The following SNAPC4 variants were observed in gnomAD, a reference collection of about 807,000 sequenced individuals.
SNAPC4 encodes the protein small nuclear RNA activating complex polypeptide 4.
Under a neutral mutation model 151.3 loss-of-function variants are expected in SNAPC4, and 127 were observed. The ratio of observed to expected loss-of-function variants is 0.84; its 90% CI spans 0.73 to 0.97. SNAPC4 has a LOEUF of 0.97. SNAPC4 is among the 50% of genes least tolerant of loss of function. SNAPC4 has a pLI of 0.00. For missense variants in SNAPC4, 2,186 were observed against 1,935.0 expected (o/e 1.13, Z -2.43); for synonymous variants, 1,002 against 824.4 (o/e 1.22, Z -3.69).
chr9:136,379,389 A>G, intron 21 of SNAPC4, 90 bp from the exon 22 acceptor site: 1 of 1,562,752 alleles, frequency 6.4e-7, no homozygotes. Flanking sequence ...AGGAGGGACC[A>G]TGTGGGGAGC....
At position 136,387,527 on chromosome 9, in the gene SNAPC4, C is replaced by T. The variant is rs369490901; in HGVS notation, c.1283G>A (p.Arg428Gln). Residue 428 changes from arginine to glutamine, a missense_variant, in exon 13 of 24, where the codon CGG becomes CAG. Transcript: ENST00000684778. ...ATCGCTCCTACCTGGCACCTCTTCC[C>T]GGATTTTAAACCAATCCTGCTCCCC... is the stretch of plus-strand genomic sequence containing the variant. ...KYGEQDWFKI[R>Q]EEVPGRSDAQ... is the part of the protein sequence containing the mutation. 89 of 1,613,862 alleles carry T rather than the reference C, an allele frequency of 5.5e-5. No individual in the cohort carries two copies. Among genetic ancestry groups the T allele is most frequent in the Non-Finnish European group, 7.1e-5 (84 of 1,179,950 alleles).
intron 1 of SNAPC4, 26 bp from the exon 2 acceptor site, chr9:136,398,463 G>A (rs1834349463): frequency 2.5e-6 from 4 of 1,603,782 alleles, no homozygotes; most frequent in African/African-American, 2.7e-5. Context: ...ACCCCGAGAT[G>A]TTAGAAACCA....
Position 136,378,150 on chromosome 9 carries a change from G to C in SNAPC4, c.3677C>G (p.Ser1226Ter). Reference protein sequence around the residue: ...TEPRGTPGSPSGTQEPRGPLG... With the variant: ...TEPRGTPGSP ...AGGCCCCCTGGGCTCCTGTGTCCCTGAGGGGGACCCCGGCGTCCCCCTTGG... is the reference window on the plus strand; with the variant it reads ...AGGCCCCCTGGGCTCCTGTGTCCCTCAGGGGGACCCCGGCGTCCCCCTTGG... Residue 1226 changes from serine (S) to a stop codon, truncating the protein, a stop_gained, in exon 22 of 24, where the codon TCA becomes TGA. Transcript: ENST00000684778. LOFTEE classifies it high-confidence loss of function. 2 of 1,610,206 alleles carry C rather than the reference G, an allele frequency of 1.2e-6. No homozygotes were observed. Among genetic ancestry groups the C allele is most frequent in the Non-Finnish European group, 1.7e-6 (2 of 1,179,140 alleles).
At position 136,378,150 on chromosome 9, in the gene SNAPC4, G is replaced by A; in HGVS notation, c.3677C>T (p.Ser1226Leu). ...AGGCCCCCTGGGCTCCTGTGTCCCT[G>A]AGGGGGACCCCGGCGTCCCCCTTGG... ...TEPRGTPGSP[S>L]GTQEPRGPLG... Residue 1226 changes from serine to leucine, a missense_variant, in exon 22 of 24, where the codon TCA (serine) becomes TTA (leucine). Physicochemically the swap from Ser to Leu is moderately radical, Grantham distance 145. Transcript: ENST00000684778. 1.2e-6 allele frequency: 2 copies of A among 1,610,206 alleles called. No individual in the cohort carries two copies. Among genetic ancestry groups the A allele is most frequent in the Non-Finnish European group, 1.7e-6 (2 of 1,179,140 alleles).
intron 1 of SNAPC4, 46 bp from the exon 2 acceptor site, chr9:136,398,483 C>T (rs548582897): frequency 2.6e-5 from 41 of 1,592,100 alleles, no homozygotes; most frequent in East Asian, 6.8e-5. Flanking sequence ...AAGACCGTGC[C>T]GGGATCCCAT....
chr9:136,391,208 T>G (rs1834062504), intron 10 of SNAPC4, among the ~76,000 whole-genome samples: 1 of 152,134 alleles, frequency 6.6e-6, no homozygotes, highest in Admixed American at 6.5e-5. Context: ...AGAACATACC[T>G]TTTTCTTAAA....
chr9:136,391,638 G>A (rs780636333), intron 10 of SNAPC4, among the ~76,000 whole-genome samples: 6 of 152,210 alleles, frequency 3.9e-5, no homozygotes, highest in Non-Finnish European at 7.3e-5. Context: ...ATAAACTCCC[G>A]AGGCTGATGG....
chr9:136,387,379 G>A lies in SNAPC4; in HGVS notation c.1325+106C>T, dbSNP rs185452586. On this transcript the variant is annotated intron_variant, in intron 13 of 23. Coordinates refer to ENST00000684778, the MANE Select transcript of SNAPC4 (RefSeq NM_003086.4). Reference sequence around the variant, plus strand: ...AGCGACCCACACGGGCCCCTCCCTCGCCCAGCGCTGGCCGCTGTCCCCCAG... The same window carrying A: ...AGCGACCCACACGGGCCCCTCCCTCACCCAGCGCTGGCCGCTGTCCCCCAG... The A allele has an allele frequency of 7.1e-3, 5,841 of 826,702 alleles. 39 individuals are homozygous for A. Among genetic ancestry groups the A allele is most frequent in the Middle Eastern group, 9.4e-3 (28 of 2,994 alleles). The allele number at this position is 826,702 out of a possible 1,614,324, so 51.2% of individuals were successfully genotyped here. A position where few individuals can be genotyped will look rare whatever the true frequency, so the allele number is the denominator to read the frequency against.
At chr9:136,380,328 G>A (rs1238548599) in intron 20 of SNAPC4, among the ~76,000 whole-genome samples, 1 of 152,192 alleles carries the variant, frequency 6.6e-6, no homozygotes, top group Non-Finnish European at 1.5e-5. Flanking sequence ...CAGAGGCCCA[G>A]GGGTACCCCA....
rs565633883 is a variant in SNAPC4 at position 136,377,822 on chromosome 9, G to A, written c.4005C>T (p.Gly1335=). 6.2e-6 allele frequency: 10 copies of A among 1,611,336 alleles called. No individual in the cohort carries two copies. Among genetic ancestry groups the A allele is most frequent in the Admixed American group, 3.3e-5 (2 of 59,992 alleles). ...EHKATSLVVG[G]EAERPAGALQ... ...GTGCTCCGGCCGGCCGCTCAGCCTC[G>A]CCCCCCACCACCAGGGAGGTGGCCT... Residue 1335 remains glycine (G), a synonymous_variant, in exon 22 of 24, where the codon GGC becomes GGT. Transcript: ENST00000684778.
At chr9:136,387,027 G>A (rs1442349478) in intron 13 of SNAPC4, among the ~76,000 whole-genome samples, 9 of 152,368 alleles carry the variant, frequency 5.9e-5, no homozygotes, top group East Asian at 1.9e-4. Flanking sequence ...TTACAGGCGT[G>A]AGCCACTGCG....
At chr9:136,381,150 G>A (rs1318092316) in intron 19 of SNAPC4, among the ~76,000 whole-genome samples, 172 bp downstream of exon 19, 1 of 152,200 alleles carries the variant, frequency 6.6e-6, no homozygotes, top group Non-Finnish European at 1.5e-5. Flanking sequence ...ACTGTAGCCG[G>A]CACCCCTTCC....
At chr9:136,389,759 G>A (rs1056966978) in intron 10 of SNAPC4, among the ~76,000 whole-genome samples, 1 of 152,132 alleles carries the variant, frequency 6.6e-6, no homozygotes, top group African/African-American at 2.4e-5. Context: ...GGGGGGTGGG[G>A]CGGGATTCAG....
At chr9:136,398,989 G>A (rs767616412) in intron 1 of SNAPC4, among the ~76,000 whole-genome samples, 2 of 152,238 alleles carry the variant, frequency 1.3e-5, no homozygotes, top group Non-Finnish European at 2.9e-5. Flanking sequence ...AGGGAAGGCT[G>A]GCTGTTCTCT....
In SNAPC4 at chr9:136,384,791, C is replaced by T. The variant is rs1322399945; in HGVS notation, c.1349G>A (p.Ser450Asn). 6.3e-7 allele frequency: 1 copy of T among 1,594,578 alleles called. No individual in the cohort carries two copies. Among genetic ancestry groups the T allele is most frequent in the East Asian group, 2.2e-5 (1 of 44,470 alleles). ...RDRYLRRLHF[S>N]LKKGRWNLKE... ...TAAATTCCACCGACCCTTTTTCAAG[C>T]TGAAATGTAATCTCCTGAGATACCT... The change falls in exon 14 of 24, where the codon AGC becomes AAC. Residue 450 changes from serine to asparagine, a missense_variant. Coordinates refer to ENST00000684778, the MANE Select transcript of SNAPC4 (RefSeq NM_003086.4).
Position 136,388,426 on chromosome 9 carries a change from G to A in SNAPC4, c.1123+18C>T, listed in dbSNP as rs376828049. The stretch of plus-strand genomic sequence containing the variant: ...GCCCTGTGACAGCCTGAGAGCCGTC[G>A]GGGTGGAGGGGCCTCACTTCTGCGG... On this transcript the variant is annotated intron_variant, in intron 11 of 23. Coordinates refer to ENST00000684778, the MANE Select transcript of SNAPC4 (RefSeq NM_003086.4). The A allele has an allele frequency of 2.1e-5, 33 of 1,609,030 alleles. No homozygotes were observed. The Middle Eastern group carries it at 5.0e-4, about 24-fold the overall frequency.
intron 22 of SNAPC4, 66 bp from the exon 23 acceptor site, chr9:136,376,547 A>G: frequency 6.3e-7 from 1 of 1,590,400 alleles, no homozygotes. Flanking sequence ...CGGGGAAGGG[A>G]CGGGAGTGAG....
intron 20 of SNAPC4, among the ~76,000 whole-genome samples, chr9:136,380,517 T>C (rs537485677): frequency 6.6e-6 from 1 of 152,308 alleles, no homozygotes; most frequent in Admixed American, 6.5e-5. Context: ...AGCGGGGCTA[T>C]GGGGGAAAAC....
At chr9:136,379,339 A>G (rs1833604974) in intron 21 of SNAPC4, 40 bp from the exon 22 acceptor site, 1 of 1,609,516 alleles carries the variant, frequency 6.2e-7, no homozygotes, top group African/African-American at 1.3e-5. Context: ...AGCCCCAGGC[A>G]TCTGGCCCAG....
Sources: allele counts gnomAD v4.1 joint callset (sites outside exome capture counted in the v4.1 genomes callset), GRCh38; gene constraint gnomAD v4.1.1; transcripts MANE v1.5; gene names NCBI Gene and HGNC (gene_info 2026-07-23, HGNC 2026-07-21).